REXO1: variants seen among roughly 807,000 people sequenced by gnomAD.
REXO1 encodes the protein RNA exonuclease 1 homolog.
REXO1 carries 42 observed loss-of-function variants against 102.6 expected under a neutral mutation model. That is an observed-to-expected ratio of 0.41 (90% confidence interval 0.32 to 0.53). The LOEUF is 0.53. REXO1 is among the 20% of genes least tolerant of loss of function. The pLI, the probability that REXO1 is intolerant of heterozygous loss-of-function variation, is 0.27. For synonymous variants in REXO1, 908 were observed against 779.1 expected (o/e 1.17, Z -2.76); for missense variants, 1,819 against 1,732.5 (o/e 1.05, Z -0.89).
At position 1,827,504 on chromosome 19, in the gene REXO1, G is replaced by A. The variant is rs12984503; in HGVS notation, c.1285C>T (p.Arg429Trp). The change falls in exon 2 of 16, where the codon CGG (arginine) becomes TGG (tryptophan). Residue 429 changes from arginine to tryptophan, a missense_variant. Coordinates refer to ENST00000170168, the MANE Select transcript of REXO1 (RefSeq NM_020695.4). ...GGCTTCTTCTTGGTCCCTTCCGGCC[G>A]CTCTGCCTTGCGCCGGGGGCTGCTG... ...QASSPRRKAE[R>W]PEGTKKKPSS... The A allele has an allele frequency of 2.3e-3, 3,659 of 1,581,310 alleles. 7 individuals are homozygous for A. The highest frequency in any genetic ancestry group is 2.9e-3 in the Non-Finnish European group (3,430 of 1,173,258).
At chr19:1,829,525 G>A (rs1262120038) in intron 1 of REXO1, among the ~76,000 whole-genome samples, 1 of 152,104 alleles carries the variant, frequency 6.6e-6, no homozygotes, top group Non-Finnish European at 1.5e-5. Context: ...AAAACTTTTT[G>A]TAGCTGGGCG....
chr19:1,815,886 G>A lies in REXO1; in HGVS notation c.*180C>T, dbSNP rs757961818. On this transcript the variant is annotated 3_prime_UTR_variant, in exon 16 of 16. Coordinates refer to ENST00000170168, the MANE Select transcript of REXO1 (RefSeq NM_020695.4). This position sits in a 1 kb window ranked among gnomAD's most constrained non-coding sequence, Gnocchi z 4.0. ...GGGTGGGGACCGGCGGAGGGGTGCG[G>A]CAGGACGTGAGCGGGGGTGGGCTGG... is the stretch of plus-strand genomic sequence containing the variant. 3.2e-5 allele frequency: 48 copies of A among 1,491,460 alleles called. No individual in the cohort carries two copies. The highest frequency in any genetic ancestry group is 4.0e-5 in the Non-Finnish European group (44 of 1,110,710). 92.4% of individuals were successfully genotyped at this position (1,491,460 alleles called of 1,614,324 possible).
rs140409388 is a variant in REXO1, at chr19:1,826,981, T to C, written c.1808A>G (p.Glu603Gly). The change falls in exon 2 of 16, where the codon GAG becomes GGG. Residue 603 changes from glutamate (E) to glycine (G), a missense_variant. Coordinates refer to ENST00000170168, the MANE Select transcript of REXO1 (RefSeq NM_020695.4). This position sits in a 1 kb window ranked among gnomAD's most constrained non-coding sequence, Gnocchi z 4.3. ...GTCGGAGTCAAAGTCCACCTCCTTC[T>C]CCAGGGCCGAGTAGTCCACATCCGC... The part of the protein sequence containing the change: ...AGADVDYSAL[E>G]KEVDFDSDPM... 2.0e-6 allele frequency: 3 copies of C among 1,531,642 alleles called. No homozygotes were observed. Among genetic ancestry groups the C allele is most frequent in the African/African-American group, 2.8e-5 (2 of 72,368 alleles). The allele number at this position is 1,531,642 out of a possible 1,614,324, so 94.9% of individuals were successfully genotyped here. A position where few individuals can be genotyped will look rare whatever the true frequency, so the allele number is the denominator to read the frequency against.
intron 1 of REXO1, among the ~76,000 whole-genome samples, chr19:1,844,239 G>A (rs1204847896): frequency 6.6e-6 from 1 of 152,246 alleles, no homozygotes; most frequent in South Asian, 2.1e-4. Context: ...GTACACAGGT[G>A]AGCAGCCTCC....
chr19:1,822,179 C>T (rs989290723), intron 4 of REXO1: 20 of 315,156 alleles, frequency 6.3e-5, no homozygotes, highest in Non-Finnish European at 9.2e-5. Context: ...TGGGCATGTA[C>T]GTCTGTGTGG....
intron 3 of REXO1, among the ~76,000 whole-genome samples, chr19:1,825,470 CT>C (rs1016195658): frequency 3.6e-5 from 5 of 138,810 alleles, no homozygotes; most frequent in Non-Finnish European, 8.1e-5. Flanking sequence ...GCAAGACCCC[CT>C]TTTTTTATAA....
intron 1 of REXO1, among the ~76,000 whole-genome samples, chr19:1,847,589 A>G (rs889979744): frequency 6.6e-6 from 1 of 152,212 alleles, no homozygotes; most frequent in Non-Finnish European, 1.5e-5. Context: ...TGTGAGGTGG[A>G]GTCCACCAAC....
intron 1 of REXO1, chr19:1,830,608 G>A (rs1378202159): frequency 6.0e-6 from 1 of 167,366 alleles, no homozygotes; most frequent in Non-Finnish European, 1.4e-5. Flanking sequence ...GGCAGGAAAT[G>A]GCGCCAAAGA....
chr19:1,829,232 C>G (rs2069838544), intron 1 of REXO1, among the ~76,000 whole-genome samples: 1 of 152,092 alleles, frequency 6.6e-6, no homozygotes, highest in African/African-American at 2.4e-5. Flanking sequence ...GGCCACCCTG[C>G]AAAATCCACA....
At chr19:1,829,542 C>G (rs548551443) in intron 1 of REXO1, among the ~76,000 whole-genome samples, 4 of 152,192 alleles carry the variant, frequency 2.6e-5, no homozygotes, top group South Asian at 2.1e-4. Context: ...GGCGCGGTGG[C>G]GCACGCCTGT....
chr19:1,815,835 G>C lies in REXO1; in HGVS notation c.*231C>G. On this transcript the variant is annotated 3_prime_UTR_variant, in exon 16 of 16. Coordinates refer to ENST00000170168, the MANE Select transcript of REXO1 (RefSeq NM_020695.4). This position sits in a 1 kb window ranked among gnomAD's most constrained non-coding sequence, Gnocchi z 4.0. Reference sequence around the variant, plus strand: ...TGGTCTCCATCAGCAGCAGTTTCTAGAGACGCCAGAGGGCTGGGGGGCAGA... The same window carrying C: ...TGGTCTCCATCAGCAGCAGTTTCTACAGACGCCAGAGGGCTGGGGGGCAGA... 1 of 1,514,562 alleles carries C rather than the reference G, an allele frequency of 6.6e-7. No individual in the cohort carries two copies. Among genetic ancestry groups the C allele is most frequent in the Admixed American group, 2.0e-5 (1 of 50,030 alleles). 93.8% of individuals were successfully genotyped at this position (1,514,562 alleles called of 1,614,324 possible).
chr19:1,820,488 G>C, intron 5 of REXO1, 93 bp from the exon 6 acceptor site: 1 of 1,477,910 alleles, frequency 6.8e-7, no homozygotes, highest in Non-Finnish European at 9.3e-7. Flanking sequence ...CATGGCTGGA[G>C]GCAAGAGTGA....
intron 7 of REXO1, among the ~76,000 whole-genome samples, chr19:1,819,621 T>C (rs879357835): frequency 4.6e-5 from 7 of 152,226 alleles, no homozygotes; most frequent in Non-Finnish European, 2.9e-5. Flanking sequence ...GCTTAATGCA[T>C]GGAGCTCGCC....
chr19:1,828,617 G>T lies in REXO1; in HGVS notation c.172C>A (p.Pro58Thr), dbSNP rs769103383. 1 of 1,600,166 alleles carries T rather than the reference G, an allele frequency of 6.2e-7. No individual in the cohort carries two copies. The part of the protein sequence containing the change: ...APPAAGLGYD[P>T]YNPELPKPPA... The stretch of plus-strand genomic sequence containing the variant: ...GGCTTGGGCAGCTCAGGGTTGTAGG[G>T]GTCGTAACCCAGCCCTGAAGGGAAC... The change falls in exon 2 of 16, where the codon CCC becomes ACC. Residue 58 changes from proline to threonine, a missense_variant. By Grantham distance (38) the Pro-to-Thr change is conservative. Coordinates refer to ENST00000170168, the MANE Select transcript of REXO1 (RefSeq NM_020695.4).
At position 1,828,884 on chromosome 19, in the gene REXO1, C is replaced by T. The variant is rs1409546542; in HGVS notation, c.158-253G>A. ...GCCTGGGCTGCGTGACACACAGCTC[C>T]CTGGGTACTGGAGGCTCCCTCACAC... On this transcript the variant is annotated intron_variant, in intron 1 of 15. Coordinates refer to ENST00000170168, the MANE Select transcript of REXO1 (RefSeq NM_020695.4). 2.0e-5 allele frequency among the ~76,000 whole-genome samples: 3 copies of T among 152,248 alleles called. No individual in the cohort carries two copies. In the East Asian group the frequency reaches 5.8e-4, roughly 29 times the overall value.
chr19:1,826,582 T>C lies in REXO1; in HGVS notation c.1911+296A>G, dbSNP rs1323811200. ...GGTGGATTCCCCTGAGGTGGGTGGG[T>C]GGGCCAATATCCCCCTGCCAGTCAG... On this transcript the variant is annotated intron_variant, in intron 2 of 15. Coordinates refer to ENST00000170168, the MANE Select transcript of REXO1 (RefSeq NM_020695.4). This position sits in a 1 kb window ranked among gnomAD's most constrained non-coding sequence, Gnocchi z 4.3. 7.8e-6 allele frequency among the ~76,000 whole-genome samples: 1 copy of C among 127,712 alleles called. No homozygotes were observed. Among genetic ancestry groups the C allele is most frequent in the Non-Finnish European group, 1.6e-5 (1 of 60,674 alleles). The allele number at this position is 127,712 out of a possible 152,430, so 83.8% of individuals were successfully genotyped here.
At chr19:1,825,426 G>A (rs1324843341) in intron 3 of REXO1, among the ~76,000 whole-genome samples, 2 of 151,890 alleles carry the variant, frequency 1.3e-5, no homozygotes, top group African/African-American at 2.4e-5. Flanking sequence ...GATCACTTGA[G>A]GTCAGGAGTT....
chr19:1,827,956 G>A lies in REXO1; in HGVS notation c.833C>T (p.Pro278Leu), dbSNP rs1426324432. The A allele has an allele frequency of 6.2e-7, 1 of 1,613,712 alleles. No homozygotes were observed. Among genetic ancestry groups the A allele is most frequent in the South Asian group, 1.1e-5 (1 of 91,082 alleles). ...GAACCTTGCATCGCAACTGCCAAAG[G>A]GGTCACAGAGCTTCTTGGGAGCAGG... ...YTPAPKKLCD[P>L]FGSCDARFSD... is the part of the protein sequence containing the mutation. Residue 278 changes from proline (P) to leucine (L), a missense_variant, in exon 2 of 16, where the codon CCC becomes CTC. By Grantham distance (98) the Pro-to-Leu change is moderately conservative. Transcript: ENST00000170168.
chr19:1,845,787 C>A (rs8106873), intron 1 of REXO1, among the ~76,000 whole-genome samples: 1 of 152,126 alleles, frequency 6.6e-6, no homozygotes, highest in Non-Finnish European at 1.5e-5. Flanking sequence ...TGACCCAGGG[C>A]CCAGGAGCAC....
Sources: gnomAD v4.1 joint callset for allele counts (sites outside exome capture counted in the v4.1 genomes callset) on GRCh38, gnomAD v4.1.1 for gene constraint, Gnocchi (gnomAD v3.1) non-coding constraint, MANE v1.5 for transcripts, NCBI Gene and HGNC (gene_info 2026-07-23, HGNC 2026-07-21) for gene names.